Variants in DGKG observed in about 807,000 individuals in gnomAD.
DGKG encodes the protein DAG kinase gamma.
A neutral mutation model predicts 105.3 loss-of-function variants in DGKG; 78 were observed. That is an observed-to-expected ratio of 0.74 (90% CI 0.62 to 0.89). The LOEUF is 0.89. DGKG is among the 40% of genes least tolerant of loss of function. DGKG has a pLI of 0.00. For synonymous variants in DGKG, 346 were observed against 367.1 expected (o/e 0.94, Z 0.66); for missense variants, 958 against 1,020.1 (o/e 0.94, Z 0.83).
At chr3:186,152,380 T>C (rs1205887550) in intron 24 of DGKG, among the ~76,000 whole-genome samples, 1 of 152,318 alleles carries the variant, frequency 6.6e-6, no homozygotes, top group Non-Finnish European at 1.5e-5. Flanking sequence ...ACAGCACTTA[T>C]CTGTGGCATG....
intron 20 of DGKG, among the ~76,000 whole-genome samples, chr3:186,234,346 G>A (rs1276644483): frequency 2.6e-5 from 4 of 152,248 alleles, no homozygotes; most frequent in South Asian, 4.1e-4. Context: ...CAACACTCAC[G>A]TTAGGATCCA....
intron 5 of DGKG, among the ~76,000 whole-genome samples, chr3:186,293,066 G>A (rs1358772009): frequency 6.6e-6 from 1 of 152,114 alleles, no homozygotes; most frequent in Non-Finnish European, 1.5e-5. Context: ...AACCTACCAT[G>A]CCTCACTCCC....
intron 1 of DGKG, among the ~76,000 whole-genome samples, chr3:186,326,883 C>T (rs532306691): frequency 7.2e-5 from 11 of 152,172 alleles, no homozygotes; most frequent in African/African-American, 2.2e-4. Context: ...TTCAGCCAGG[C>T]GTTGGTGGCT....
rs1720161454 is a variant in DGKG at position 186,231,711 on chromosome 3, G to C, written c.1826+10793C>G. ...AGGTGGTTGGATCAACTGAGGTCAG[G>C]AGTTTGAGACCAGCCTGGCCAACAT... On this transcript the variant is annotated intron_variant, in intron 20 of 24. Coordinates refer to ENST00000265022, the MANE Select transcript of DGKG (RefSeq NM_001346.3). This position sits in a 1 kb window ranked among gnomAD's most constrained non-coding sequence, Gnocchi z 4.5. Among the ~76,000 whole-genome samples, 1 of 152,134 alleles carries C rather than the reference G, an allele frequency of 6.6e-6. No homozygotes were observed. The highest frequency in any genetic ancestry group is 1.5e-5 in the Non-Finnish European group (1 of 68,020).
At position 186,150,124 on chromosome 3, in the gene DGKG, A is replaced by G. The variant is rs1386983549; in HGVS notation, c.2342T>C (p.Phe781Ser). ...MMGPPQKSSFFSLRRKSRSKD is the reference protein window; with the variant it reads ...MMGPPQKSSFSSLRRKSRSKD The stretch of plus-strand genomic sequence containing the variant: ...TGAACGGCTCTTCCTTCTCAACGAG[A>G]AGAAGCTGCTCTTCTGGGGAGGCCC... Residue 781 changes from phenylalanine (F) to serine (S), a missense_variant, in exon 25 of 25, where the codon TTC becomes TCC. By Grantham distance (155) the Phe-to-Ser change is radical (BLOSUM62 -2). Coordinates refer to ENST00000265022, the MANE Select transcript of DGKG (RefSeq NM_001346.3). 2 of 1,613,762 alleles carry G rather than the reference A, an allele frequency of 1.2e-6. No individual in the cohort carries two copies.
intron 1 of DGKG, among the ~76,000 whole-genome samples, chr3:186,355,288 T>A (rs1239286060): frequency 2.3e-3 from 57 of 25,144 alleles, no homozygotes; most frequent in East Asian, 0.016. Flanking sequence ...ACGATCATCA[T>A]CACCACCATT....
intron 20 of DGKG, among the ~76,000 whole-genome samples, chr3:186,241,735 A>T (rs1720695790): frequency 6.6e-6 from 1 of 152,174 alleles, no homozygotes; most frequent in Admixed American, 6.5e-5. Context: ...AAAGAAAAAG[A>T]AAGAAAGAAT....
chr3:186,178,173 T>C (rs1302859377), intron 22 of DGKG, among the ~76,000 whole-genome samples: 1 of 152,218 alleles, frequency 6.6e-6, no homozygotes, highest in Non-Finnish European at 1.5e-5. Flanking sequence ...GATCGATTTC[T>C]GTTGTTTACG....
At chr3:186,273,375 T>C (rs1350694427) in intron 10 of DGKG, among the ~76,000 whole-genome samples, 1 of 132,380 alleles carries the variant, frequency 7.6e-6, no homozygotes, top group Non-Finnish European at 1.7e-5. Context: ...CCCTTTTTTT[T>C]TTTTTTTTTT....
At chr3:186,343,693 G>A (rs1054195447) in intron 1 of DGKG, among the ~76,000 whole-genome samples, 2 of 152,082 alleles carry the variant, frequency 1.3e-5, no homozygotes, top group African/African-American at 2.4e-5. Flanking sequence ...ATTTTTAAAT[G>A]ATTTTAAAAT....
Position 186,253,047 on chromosome 3 carries a change from C to T in DGKG, c.1600+46G>A, listed in dbSNP as rs1466723457. 6 of 1,553,860 alleles carry T rather than the reference C, an allele frequency of 3.9e-6. No individual in the cohort carries two copies. The African/African-American group carries it at 6.8e-5, about 18-fold the overall frequency. ...TAGCTCTGTAGAGCATCTCTGTAAA[C>T]AGGAACACCTGTTCCCAGGGTACCA... On this transcript the variant is annotated intron_variant, in intron 18 of 24. Transcript: ENST00000265022.
intron 1 of DGKG, among the ~76,000 whole-genome samples, chr3:186,359,324 C>T (rs1727121378): frequency 6.6e-6 from 1 of 152,182 alleles, no homozygotes; most frequent in African/African-American, 2.4e-5. Context: ...GCAGTAAAGA[C>T]TTTGCCCAGA....
chr3:186,269,006 C>T (rs982186614), intron 11 of DGKG, 89 bp from the exon 12 acceptor site: 21 of 873,720 alleles, frequency 2.4e-5, no homozygotes, highest in Admixed American at 9.5e-5. Flanking sequence ...TGGGAGGGGA[C>T]GCGGGGGAGC....
At chr3:186,346,792 A>G (rs937803899) in intron 1 of DGKG, among the ~76,000 whole-genome samples, 1 of 152,152 alleles carries the variant, frequency 6.6e-6, no homozygotes, top group African/African-American at 2.4e-5. Context: ...ACATTTTAAT[A>G]GATTTTTTCA....
rs112047120 is a variant in DGKG at position 186,149,984 on chromosome 3, A to ATGTG, written c.*102_*105dup. On this transcript the variant is annotated 3_prime_UTR_variant, in exon 25 of 25. Coordinates refer to ENST00000265022, the MANE Select transcript of DGKG (RefSeq NM_001346.3). ...TTCCACTGGTTAGAGAAGAGTGTGTATGTGTGTGTGTGTGTGCATGTGTGA... is the reference window on the plus strand; with the variant it reads ...TTCCACTGGTTAGAGAAGAGTGTGTATGTGTGTGTGTGTGTGTGTGCATGTGTGA... The ATGTG allele has an allele frequency of 3.4e-4, 475 of 1,402,872 alleles. 1 individual carries two copies. The African/African-American group carries it at 5.3e-3, about 16-fold the overall frequency. 86.9% of individuals were successfully genotyped at this position (1,402,872 alleles called of 1,614,324 possible). A position where few individuals can be genotyped will look rare whatever the true frequency, so the allele number is the denominator to read the frequency against.
chr3:186,352,837 T>G (rs1483397123), intron 1 of DGKG, among the ~76,000 whole-genome samples: 1 of 152,130 alleles, frequency 6.6e-6, no homozygotes, highest in Non-Finnish European at 1.5e-5. Flanking sequence ...CCTGAGGGGT[T>G]GCTCTAATGT....
chr3:186,182,819 C>T (rs1022099597), intron 22 of DGKG, among the ~76,000 whole-genome samples: 3 of 152,086 alleles, frequency 2.0e-5, no homozygotes, highest in Non-Finnish European at 2.9e-5. Flanking sequence ...TTCCAACAAA[C>T]GTTTCTGTAG....
intron 3 of DGKG, among the ~76,000 whole-genome samples, chr3:186,301,801 G>A (rs1339441938): frequency 6.6e-6 from 1 of 152,152 alleles, no homozygotes; most frequent in African/African-American, 2.4e-5. Context: ...ACAGTCCAGT[G>A]GACCATCCTG....
At chr3:186,292,118 C>T (rs1723337523) in intron 5 of DGKG, among the ~76,000 whole-genome samples, 1 of 152,186 alleles carries the variant, frequency 6.6e-6, no homozygotes, top group South Asian at 2.1e-4. Flanking sequence ...ACACCCTCTT[C>T]CGGATCACAG....
Sources: allele counts gnomAD v4.1 joint callset (sites outside exome capture counted in the v4.1 genomes callset), GRCh38; gene constraint gnomAD v4.1.1; non-coding constraint Gnocchi (gnomAD v3.1); transcripts MANE v1.5; gene names NCBI Gene and HGNC (gene_info 2026-07-23, HGNC 2026-07-21).